The following CFAP299 variants were observed in gnomAD, a reference collection of about 807,000 sequenced individuals.
CFAP299 encodes cilia and flagella associated protein 299, also known as cilia- and flagella-associated protein 299.
CFAP299 carries 21 observed loss-of-function variants against 27.0 expected under a neutral mutation model. The observed-to-expected ratio is 0.78, with a 90% CI of 0.55 to 1.12. The LOEUF (loss-of-function observed/expected upper bound fraction) is 1.12, where lower values mean the gene tolerates loss of function less well. Among genes scored for constraint, CFAP299 ranks in the 50% most tolerant of loss-of-function variants. CFAP299 has a pLI of 0.00. For missense variants in CFAP299, 310 were observed against 276.6 expected (o/e 1.12, Z -0.86); for synonymous variants, 104 against 98.1 (o/e 1.06, Z -0.36).
intron 3 of CFAP299, among the ~76,000 whole-genome samples, chr4:80,768,521 C>A (rs1726028199): frequency 6.6e-6 from 1 of 152,080 alleles, no homozygotes. Flanking sequence ...GTCAAACTGG[C>A]AGCAATGTTA....
chr4:80,910,072 C>T (rs143820706), intron 4 of CFAP299, among the ~76,000 whole-genome samples: 617 of 152,192 alleles, frequency 4.1e-3, no homozygotes, highest in Middle Eastern at 6.8e-3. Flanking sequence ...TCCAAAAAGT[C>T]CTGTTAGCCT....
chr4:80,651,238 T>TCTTC (rs536144120), intron 3 of CFAP299, among the ~76,000 whole-genome samples: 64 of 151,338 alleles, frequency 4.2e-4, no homozygotes, highest in East Asian at 7.8e-4. Context: ...AATCTAAGAA[T>TCTTC]CTTCCTTCCT....
At chr4:80,853,793 AT>A (rs1397997181) in intron 3 of CFAP299, among the ~76,000 whole-genome samples, 1 of 152,192 alleles carries the variant, frequency 6.6e-6, no homozygotes, top group Non-Finnish European at 1.5e-5. Context: ...GGCCTGAGCA[AT>A]TAGGTAAATA....
intron 3 of CFAP299, among the ~76,000 whole-genome samples, chr4:80,589,266 C>G (rs976939040): frequency 8.6e-5 from 13 of 152,030 alleles, no homozygotes; most frequent in Non-Finnish European, 1.0e-4. Flanking sequence ...TGGTAAAACT[C>G]ATGTTTAAAC....
chr4:80,697,214 A>G (rs1382600604), intron 3 of CFAP299, among the ~76,000 whole-genome samples: 2 of 152,160 alleles, frequency 1.3e-5, no homozygotes, highest in Admixed American at 6.5e-5. Flanking sequence ...ACTTATCAGA[A>G]AAACAATCTG....
rs573880373 is a variant in CFAP299 at position 80,857,658 on chromosome 4, G to C, written c.334-12335G>C. On this transcript the variant is annotated intron_variant, in intron 3 of 5. Transcript: ENST00000358105. The stretch of plus-strand genomic sequence containing the variant: ...CAAAGGCCTTTTCTGCATCTATTGA[G>C]ATAATTATGTGGTTTTTGTCTTTGG... 5.8e-3 allele frequency among the ~76,000 whole-genome samples: 888 copies of C among 152,318 alleles called. 7 individuals carry two copies. The highest frequency in any genetic ancestry group is 0.02 in the African/African-American group (814 of 41,556).
chr4:80,667,422 A>G (rs571791414), intron 3 of CFAP299, among the ~76,000 whole-genome samples: 1 of 152,280 alleles, frequency 6.6e-6, no homozygotes, highest in South Asian at 2.1e-4. Flanking sequence ...GATCTATGAA[A>G]TACTAGGTCT....
At chr4:80,390,782 T>TAC (rs1468300917) in intron 2 of CFAP299, among the ~76,000 whole-genome samples, 1 of 141,248 alleles carries the variant, frequency 7.1e-6, no homozygotes, top group South Asian at 2.2e-4. Flanking sequence ...TATATACATA[T>TAC]ACACATATAT....
chr4:80,829,668 ACAATC>A (rs1394604030), intron 3 of CFAP299, among the ~76,000 whole-genome samples: 4 of 152,120 alleles, frequency 2.6e-5, no homozygotes, highest in Non-Finnish European at 4.4e-5. Flanking sequence ...CAACATGAAA[ACAATC>A]CAAGTGTTCA....
At chr4:80,535,387 T>G (rs1733684117) in intron 2 of CFAP299, among the ~76,000 whole-genome samples, 1 of 124,038 alleles carries the variant, frequency 8.1e-6, no homozygotes, top group African/African-American at 3.9e-5. Flanking sequence ...CCCAGCTACT[T>G]GGGAGGCTGA....
chr4:80,355,502 C>T (rs1452139672), intron 1 of CFAP299, among the ~76,000 whole-genome samples: 2 of 151,830 alleles, frequency 1.3e-5, no homozygotes, highest in Non-Finnish European at 2.9e-5. Flanking sequence ...GGATTACAGG[C>T]GCATGCCACC....
intron 2 of CFAP299, among the ~76,000 whole-genome samples, chr4:80,379,947 T>G (rs1006080685): frequency 2.0e-5 from 3 of 152,140 alleles, no homozygotes; most frequent in African/African-American, 4.8e-5. Flanking sequence ...TCAGGCCTAC[T>G]GTATCCTTAC....
intron 2 of CFAP299, among the ~76,000 whole-genome samples, chr4:80,385,288 T>C (rs1015563528): frequency 6.6e-6 from 1 of 152,186 alleles, no homozygotes; most frequent in Non-Finnish European, 1.5e-5. Flanking sequence ...CCATTTCCAA[T>C]TAAATTTCTC....
At chr4:80,415,346 A>G (rs1305729195) in intron 2 of CFAP299, among the ~76,000 whole-genome samples, 4 of 152,190 alleles carry the variant, frequency 2.6e-5, no homozygotes. Context: ...GAGGTCTAAT[A>G]AAAAATACTC....
At chr4:80,772,057 T>A (rs1726249508) in intron 3 of CFAP299, among the ~76,000 whole-genome samples, 1 of 152,210 alleles carries the variant, frequency 6.6e-6, no homozygotes, top group South Asian at 2.1e-4. Context: ...TTCAGGTTAT[T>A]ATGAACAGCT....
chr4:80,413,750 C>CTTTTTTTTTTTTTTT (rs66780627), intron 2 of CFAP299, among the ~76,000 whole-genome samples: 23 of 108,306 alleles, frequency 2.1e-4, no homozygotes, highest in East Asian at 2.9e-4. Context: ...TTGTGTCATT[C>CTTTTTTTTTTTTTTT]TTTTTTTTTT....
Position 80,388,254 on chromosome 4 carries a change from G to C in CFAP299, c.242+25370G>C, listed in dbSNP as rs866005652. On this transcript the variant is annotated intron_variant, in intron 2 of 5. Coordinates refer to ENST00000358105, the MANE Select transcript of CFAP299 (RefSeq NM_152770.3). ...CTCTGCACAGGTCGCGGGCCCTAGGGCATGGGCTGGTCCAGGGATGTGAAG... is the reference window on the plus strand; with the variant it reads ...CTCTGCACAGGTCGCGGGCCCTAGGCCATGGGCTGGTCCAGGGATGTGAAG... The C allele has an allele frequency of 1.2e-5, 8 of 690,280 alleles. No homozygotes were observed. The Middle Eastern group carries it at 1.7e-3, about 149-fold the overall frequency. 42.8% of individuals were successfully genotyped at this position (690,280 alleles called of 1,614,324 possible).
intron 3 of CFAP299, among the ~76,000 whole-genome samples, chr4:80,800,512 T>TATATAATATATTGATATATTA (rs1386183781): frequency 5.8e-5 from 2 of 34,238 alleles, no homozygotes; most frequent in East Asian, 2.7e-3. Flanking sequence ...TATTATATAA[T>TATATAATATATTGATATATTA]ATATAATATA....
chr4:80,644,218 G>A lies in CFAP299; in HGVS notation c.333+61035G>A, dbSNP rs188791768. On this transcript the variant is annotated intron_variant, in intron 3 of 5. Coordinates refer to ENST00000358105, the MANE Select transcript of CFAP299 (RefSeq NM_152770.3). ...AACAAACAAAACATGTGCTTTGTGT[G>A]TGTTTTTGTATGTCATGTTATTACT... Among the ~76,000 whole-genome samples the A allele has an allele frequency of 5.1e-3, 769 of 152,196 alleles. 5 individuals are homozygous for A. Among genetic ancestry groups the A allele is most frequent in the Middle Eastern group, 0.02 (6 of 294 alleles).
Sources: gnomAD v4.1 joint callset for allele counts (sites outside exome capture counted in the v4.1 genomes callset) on GRCh38, gnomAD v4.1.1 for gene constraint, MANE v1.5 for transcripts, NCBI Gene and HGNC (gene_info 2026-07-23, HGNC 2026-07-21) for gene names.